BCAR3: variants seen among roughly 807,000 people sequenced by gnomAD.
BCAR3 encodes the protein BCAR3 adaptor protein, NSP family member, also known as breast cancer anti-estrogen resistance protein 3.
BCAR3 carries 37 observed loss-of-function variants against 80.1 expected under a neutral mutation model. The observed-to-expected ratio is 0.46, with a 90% CI of 0.36 to 0.61. BCAR3 has a LOEUF of 0.61. BCAR3 is among the 20% of genes least tolerant of loss of function. The pLI, the probability that BCAR3 is intolerant of heterozygous loss-of-function variation, is 0.00. For synonymous variants in BCAR3, 389 were observed against 418.9 expected (o/e 0.93, Z 0.87); for missense variants, 978 against 1,068.2 (o/e 0.92, Z 1.18).
At chr1:93,761,797 G>A (rs1466707591) in intron 2 of BCAR3, among the ~76,000 whole-genome samples, 7 of 152,108 alleles carry the variant, frequency 4.6e-5, no homozygotes, top group African/African-American at 1.4e-4. Flanking sequence ...CACAAAGATC[G>A]TGTTCTTACC....
At chr1:93,797,956 A>G (rs1653340159) in intron 2 of BCAR3, among the ~76,000 whole-genome samples, 1 of 152,218 alleles carries the variant, frequency 6.6e-6, no homozygotes, top group African/African-American at 2.4e-5. Context: ...TTTGTCAAAT[A>G]TTGAAAGGGC....
Position 93,561,852 on chromosome 1 carries a change from T to C in BCAR3, c.*389A>G, listed in dbSNP as rs776165490. The stretch of plus-strand genomic sequence containing the variant: ...ACATTTTTCATATTTGTTTAAAGAA[T>C]ATCATATAACTGATACCTTCTGAAA... On this transcript the variant is annotated 3_prime_UTR_variant, in exon 12 of 12. Transcript: ENST00000260502. The C allele has an allele frequency of 4.5e-5, 7 of 156,990 alleles. No individual in the cohort carries two copies. The highest frequency in any genetic ancestry group is 8.4e-5 in the Non-Finnish European group (6 of 71,192). The allele number at this position is 156,990 out of a possible 1,614,324, so 9.7% of individuals were successfully genotyped here.
At chr1:93,568,804 A>T (rs1673081936) in intron 9 of BCAR3, among the ~76,000 whole-genome samples, 1 of 152,096 alleles carries the variant, frequency 6.6e-6, no homozygotes, top group Non-Finnish European at 1.5e-5. Context: ...CTATAGTTTA[A>T]CTCGTCTCTT....
At chr1:93,647,107 G>C (rs1307104484) in intron 2 of BCAR3, among the ~76,000 whole-genome samples, 1 of 152,098 alleles carries the variant, frequency 6.6e-6, no homozygotes, top group African/African-American at 2.4e-5. Context: ...AAACCTCATA[G>C]AGTTATGTCT....
chr1:93,567,466 A>C lies in BCAR3; in HGVS notation c.2112T>G (p.Asn704Lys). 1 of 1,614,200 alleles carries C rather than the reference A, an allele frequency of 6.2e-7. No individual in the cohort carries two copies. Among genetic ancestry groups the C allele is most frequent in the South Asian group, 1.1e-5 (1 of 91,082 alleles). Residue 704 changes from asparagine to lysine, a missense_variant, in exon 11 of 12, where the codon AAT becomes AAG. Physicochemically the swap from Asn to Lys is moderately conservative, Grantham distance 94. Coordinates refer to ENST00000260502, the MANE Select transcript of BCAR3 (RefSeq NM_003567.4). The stretch of plus-strand genomic sequence containing the variant: ...GCGGCATCAGCAGTGGGACTGATAC[A>C]TTGTTTGGGGGAACACATGTGGACT... ...GRESTCVPPN[N>K]VSVPLLMPLV...
chr1:93,636,638 A>C (rs1675790592), intron 3 of BCAR3, among the ~76,000 whole-genome samples: 1 of 152,090 alleles, frequency 6.6e-6, no homozygotes, highest in African/African-American at 2.4e-5. Context: ...AGGACAATTT[A>C]TTTTAAAATG....
intron 2 of BCAR3, among the ~76,000 whole-genome samples, chr1:93,833,433 T>C (rs1654647605): frequency 6.6e-6 from 1 of 152,188 alleles, no homozygotes; most frequent in Non-Finnish European, 1.5e-5. Context: ...AGGACCAGTC[T>C]GACTAGAATT....
chr1:93,819,205 T>G (rs1182172100), intron 2 of BCAR3, among the ~76,000 whole-genome samples: 1 of 152,204 alleles, frequency 6.6e-6, no homozygotes, highest in Non-Finnish European at 1.5e-5. Flanking sequence ...TAGCTGGGAT[T>G]ACAGGCGTGT....
intron 3 of BCAR3, among the ~76,000 whole-genome samples, chr1:93,696,039 T>C (rs1328553670): frequency 2.0e-5 from 3 of 147,498 alleles, no homozygotes; most frequent in Non-Finnish European, 3.0e-5. Context: ...CTACTGCTTC[T>C]CTCTTTTTTT....
intron 1 of BCAR3, chr1:93,846,971 CGCGCGGCGGCGCTCGCGCGCAGGTCCA>C (rs1655229799): frequency 8.6e-6 from 2 of 232,140 alleles, no homozygotes; most frequent in African/African-American, 3.1e-4. Flanking sequence ...ACACAGACGT[CGCGCGGCGGCGCTCGCGCGCAGGTCCA>C]GCCGCGGCTG....
At chr1:93,595,888 T>G (rs1292298061) in intron 3 of BCAR3, among the ~76,000 whole-genome samples, 1 of 152,262 alleles carries the variant, frequency 6.6e-6, no homozygotes, top group Non-Finnish European at 1.5e-5. Context: ...GCTTCCCACA[T>G]ACAACCTGAA....
chr1:93,618,800 G>C (rs933142621), intron 3 of BCAR3, among the ~76,000 whole-genome samples: 1 of 152,134 alleles, frequency 6.6e-6, no homozygotes, highest in Non-Finnish European at 1.5e-5. Context: ...TGAAAGTCAT[G>C]GGCCCTCCTT....
At chr1:93,643,239 A>AG (rs58968393) in intron 2 of BCAR3, among the ~76,000 whole-genome samples, 19,205 of 149,364 alleles carry the variant, frequency 0.13, 1,334 homozygotes, top group Middle Eastern at 0.16. Flanking sequence ...AAAAAAAAAA[A>AG]GAGGCCAGGC....
At chr1:93,762,188 CA>C (rs1651967461) in intron 2 of BCAR3, among the ~76,000 whole-genome samples, 1 of 152,242 alleles carries the variant, frequency 6.6e-6, no homozygotes, top group South Asian at 2.1e-4. Flanking sequence ...AGGCTGAAGA[CA>C]GACACATCTC....
intron 2 of BCAR3, among the ~76,000 whole-genome samples, chr1:93,714,229 C>T (rs1650123137): frequency 6.6e-6 from 1 of 152,234 alleles, no homozygotes; most frequent in Admixed American, 6.5e-5. Flanking sequence ...GATCCGCCCA[C>T]CTCGGCCTCC....
At chr1:93,841,008 G>A (rs1400942599) in intron 2 of BCAR3, among the ~76,000 whole-genome samples, 1 of 152,162 alleles carries the variant, frequency 6.6e-6, no homozygotes, top group East Asian at 1.9e-4. Flanking sequence ...TTGTCTGGGA[G>A]AAGAGATAGA....
chr1:93,688,971 TA>T (rs1174083850), intron 3 of BCAR3, among the ~76,000 whole-genome samples: 1 of 152,104 alleles, frequency 6.6e-6, no homozygotes, highest in Non-Finnish European at 1.5e-5. Flanking sequence ...AAATGTTACT[TA>T]AAAACAAATT....
chr1:93,568,843 G>T (rs775586387), intron 9 of BCAR3, among the ~76,000 whole-genome samples: 16 of 152,158 alleles, frequency 1.1e-4, no homozygotes, highest in Non-Finnish European at 1.9e-4. Flanking sequence ...TCTTCTTTGA[G>T]ATGGGGTCTC....
At chr1:93,654,179 C>T (rs75012204) in intron 2 of BCAR3, among the ~76,000 whole-genome samples, 3,502 of 152,188 alleles carry the variant, frequency 0.023, 139 homozygotes, top group African/African-American at 0.08. Context: ...AAAAATTAGT[C>T]TGGTGTTTAG....
Sources: gnomAD v4.1 joint callset for allele counts (sites outside exome capture counted in the v4.1 genomes callset) on GRCh38, gnomAD v4.1.1 for gene constraint, MANE v1.5 for transcripts, NCBI Gene and HGNC (gene_info 2026-07-23, HGNC 2026-07-21) for gene names.